The following DNAAF4 variants were observed in gnomAD, a reference collection of about 807,000 sequenced individuals.
DNAAF4 encodes dynein axonemal assembly factor 4.
In DNAAF4, 43 loss-of-function variants were observed where a neutral mutation model predicts 51.8. The ratio of observed to expected loss-of-function variants is 0.83; its 90% confidence interval spans 0.65 to 1.07. The LOEUF is 1.07. Among genes scored for constraint, DNAAF4 ranks in the 50% least tolerant of loss-of-function variants. The probability of loss-of-function intolerance (pLI) is 0.00; values close to 1 mark genes in which losing one functional copy is unlikely to be tolerated. For missense variants in DNAAF4, 581 were observed against 493.0 expected, an observed-to-expected ratio of 1.18 and a Z score of -1.69; for synonymous variants, 194 against 165.6, an observed-to-expected ratio of 1.17 and a Z score of -1.32.
Position 55,497,740 on chromosome 15 carries a change from G to A in DNAAF4, c.243C>T (p.Ala81=), listed in dbSNP as rs568171906. The A allele has an allele frequency of 2.2e-5, 35 of 1,612,716 alleles. No individual in the cohort carries two copies. In the South Asian group the frequency reaches 3.4e-4, roughly 16 times the overall value. Residue 81 remains alanine (A), a synonymous_variant, in exon 3 of 10, where the codon GCC becomes GCT. Transcript: ENST00000321149. ...CCGTCACAGAAAGGGTCTCCCACAT[G>A]GCCGCTTCTTTTTTATACAAGGTGA... ...IVFTLYKKEA[A]MWETLSVTGV... is the part of the protein sequence containing the mutation.
At chr15:55,466,881 A>G (rs916992591) in intron 5 of DNAAF4, 49 bp downstream of exon 5, 2 of 1,571,392 alleles carry the variant, frequency 1.3e-6, no homozygotes, top group African/African-American at 1.4e-5. Flanking sequence ...AGCGTCATAT[A>G]TACTTCACCA....
At chr15:55,447,167 C>T (rs922739268) in intron 6 of DNAAF4, among the ~76,000 whole-genome samples, 1 of 149,800 alleles carries the variant, frequency 6.7e-6, no homozygotes, top group Non-Finnish European at 1.5e-5. Context: ...GCGCTCCTCA[C>T]ATCCCAGATG....
intron 7 of DNAAF4, among the ~76,000 whole-genome samples, chr15:55,435,931 G>A (rs913083203): frequency 1.3e-5 from 2 of 152,126 alleles, no homozygotes; most frequent in African/African-American, 2.4e-5. Context: ...TGGGATTACA[G>A]GCATGTACCA....
At chr15:55,459,677 A>G (rs2058066440) in intron 5 of DNAAF4, among the ~76,000 whole-genome samples, 1 of 151,906 alleles carries the variant, frequency 6.6e-6, no homozygotes, top group Non-Finnish European at 1.5e-5. Context: ...AGTCAGCAGG[A>G]GTAGCTATTC....
intron 5 of DNAAF4, among the ~76,000 whole-genome samples, chr15:55,452,194 G>A (rs1456453754): frequency 8.1e-6 from 1 of 123,904 alleles, no homozygotes; most frequent in Non-Finnish European, 1.6e-5. Context: ...GCTGCAGTGA[G>A]CCAAGATCAC....
chr15:55,448,453 T>A (rs1001523672), intron 6 of DNAAF4, among the ~76,000 whole-genome samples: 7 of 144,208 alleles, frequency 4.9e-5, no homozygotes, highest in African/African-American at 1.6e-4. Flanking sequence ...TGAGCCATGA[T>A]TGTCCCACTG....
At chr15:55,437,514 A>C (rs752690131) in intron 7 of DNAAF4, among the ~76,000 whole-genome samples, 10 of 149,562 alleles carry the variant, frequency 6.7e-5, no homozygotes, top group East Asian at 2.0e-4. Flanking sequence ...CCCGCCCCCC[A>C]AAAAAAGATG....
At chr15:55,428,307 G>A (rs528584387), downstream of DNAAF4, among the ~76,000 whole-genome samples, 11 of 151,888 alleles carry the variant, frequency 7.2e-5, no homozygotes, top group Admixed American at 4.6e-4. Context: ...AGGCAATTCC[G>A]TCCCCAGGCA....
downstream of DNAAF4, among the ~76,000 whole-genome samples, chr15:55,427,393 G>GGTGGGTGA (rs2141389319): frequency 6.6e-6 from 1 of 152,090 alleles, no homozygotes; most frequent in African/African-American, 2.4e-5. Flanking sequence ...AAGACAACTT[G>GGTGGGTGA]GTGGGTGAGG....
At chr15:55,478,049 C>T (rs1490275570) in intron 4 of DNAAF4, among the ~76,000 whole-genome samples, 2 of 152,206 alleles carry the variant, frequency 1.3e-5, no homozygotes, top group East Asian at 3.9e-4. Context: ...TAGATGAAGA[C>T]TGAAGGGGCC....
chr15:55,422,136 T>A (rs77291014), intron 7 of DNAAF4, among the ~76,000 whole-genome samples: 90 of 152,098 alleles, frequency 5.9e-4, no homozygotes, highest in African/African-American at 2.0e-3. Context: ...TAAATATATA[T>A]GGCTAGATGT....
intron 5 of DNAAF4, among the ~76,000 whole-genome samples, chr15:55,453,562 T>G (rs2057970250): frequency 6.7e-6 from 1 of 149,198 alleles, no homozygotes; most frequent in African/African-American, 2.5e-5. Context: ...TTTTTTTTTT[T>G]TTTTTTGAGA....
chr15:55,467,717 T>C lies in DNAAF4; in HGVS notation c.406-556A>G, dbSNP rs1453704363. On this transcript the variant is annotated intron_variant, in intron 4 of 9. Coordinates refer to ENST00000321149, the MANE Select transcript of DNAAF4 (RefSeq NM_130810.4). ...TAGGAAGGATGAACAAGACGGTCTG[T>C]CTCTGCTGGGTGGAAATATTTGAAG... Among the ~76,000 whole-genome samples, 5 of 152,238 alleles carry C rather than the reference T, an allele frequency of 3.3e-5. No homozygotes were observed. In the East Asian group the frequency reaches 9.6e-4, roughly 29 times the overall value.
intron 7 of DNAAF4, 46 bp downstream of exon 7, chr15:55,439,426 G>T: frequency 1.3e-6 from 2 of 1,503,460 alleles, no homozygotes; most frequent in Non-Finnish European, 1.8e-6. Flanking sequence ...AACTGCTAAT[G>T]TCTTCATACA....
chr15:55,475,638 G>C (rs183241779), intron 4 of DNAAF4, among the ~76,000 whole-genome samples: 48 of 152,264 alleles, frequency 3.2e-4, no homozygotes, highest in African/African-American at 1.1e-3. Context: ...CTTCCTTTGA[G>C]CATTGTGTTG....
At chr15:55,496,457 T>C (rs1173615125) in intron 3 of DNAAF4, among the ~76,000 whole-genome samples, 2 of 152,178 alleles carry the variant, frequency 1.3e-5, no homozygotes, top group East Asian at 3.8e-4. Flanking sequence ...TGCCAGTCAC[T>C]AGCTGTGTGA....
chr15:55,428,484 C>CTTTTTTTTTTTTTTTTTTTTTTTTT (rs747325376), downstream of DNAAF4, among the ~76,000 whole-genome samples: 5 of 85,012 alleles, frequency 5.9e-5, no homozygotes, highest in Non-Finnish European at 9.3e-5. Context: ...TCTTTTTTTT[C>CTTTTTTTTTTTTTTTTTTTTTTTTT]TTTTTTTTTT....
At chr15:55,473,207 A>ATG (rs1595931793) in intron 4 of DNAAF4, among the ~76,000 whole-genome samples, 2 of 120,474 alleles carry the variant, frequency 1.7e-5, no homozygotes, top group East Asian at 4.7e-4. Context: ...AAATATATAT[A>ATG]TATATATATA....
chr15:55,463,213 A>AC (rs1555417416), intron 5 of DNAAF4, among the ~76,000 whole-genome samples: 64 of 108,942 alleles, frequency 5.9e-4, no homozygotes, highest in African/African-American at 1.7e-3. Flanking sequence ...CACACACACA[A>AC]AGCATTTGAC....
Sources: gnomAD v4.1 joint callset for allele counts (sites outside exome capture counted in the v4.1 genomes callset) on GRCh38, gnomAD v4.1.1 for gene constraint, MANE v1.5 for transcripts, NCBI Gene and HGNC (gene_info 2026-07-23, HGNC 2026-07-21) for gene names.